Variants in EXOC5 observed in about 807,000 individuals in gnomAD.
EXOC5 encodes SEC10-like 1.
Under a neutral mutation model 90.8 loss-of-function variants are expected in EXOC5, and 17 were observed. The observed-to-expected ratio is 0.19, with a 90% confidence interval of 0.13 to 0.28. The LOEUF is 0.28. Among genes scored for constraint, EXOC5 ranks in the 10% least tolerant of loss-of-function variants. EXOC5 has a pLI of 1.00. For synonymous variants in EXOC5, 260 were observed against 270.0 expected (o/e 0.96, Z 0.36); for missense variants, 569 against 830.6 (o/e 0.69, Z 3.87).
chr14:57,235,280 T>A (rs1006851371), intron 7 of EXOC5, among the ~76,000 whole-genome samples: 1 of 152,240 alleles, frequency 6.6e-6, no homozygotes, highest in South Asian at 2.1e-4. Context: ...AATACAAAAT[T>A]CTTTTGTATT....
At chr14:57,220,747 C>A (rs1883109096) in intron 13 of EXOC5, among the ~76,000 whole-genome samples, 1 of 152,068 alleles carries the variant, frequency 6.6e-6, no homozygotes, top group Non-Finnish European at 1.5e-5. Flanking sequence ...TTGCCATGAG[C>A]CATGACTATG....
chr14:57,229,903 TG>T (rs372269897), intron 11 of EXOC5, 22 bp from the exon 12 acceptor site: 1 of 1,330,822 alleles, frequency 7.5e-7, no homozygotes, highest in Non-Finnish European at 9.9e-7. Context: ...TAAAGACAAA[TG>T]AAAAAAAGAA....
rs1245251172 is a variant in EXOC5, at chr14:57,229,650, G to GT, written c.1296+83dup. 8.1e-6 allele frequency: 8 copies of GT among 981,968 alleles called. No individual in the cohort carries two copies. The East Asian group carries it at 2.0e-4, about 24-fold the overall frequency. 60.8% of individuals were successfully genotyped at this position (981,968 alleles called of 1,614,324 possible). ...GCAGACTTGAGCATCCACGATTTTGGTATCCTCGGAGGTTCTGGAATCAAT... is the reference window on the plus strand; with the variant it reads ...GCAGACTTGAGCATCCACGATTTTGGTTATCCTCGGAGGTTCTGGAATCAAT... On this transcript the variant is annotated intron_variant, in intron 12 of 17. Coordinates refer to ENST00000621441, the MANE Select transcript of EXOC5 (RefSeq NM_006544.4).
intron 15 of EXOC5, 48 bp downstream of exon 15, chr14:57,217,931 ATGG>A: frequency 1.2e-6 from 1 of 856,652 alleles, no homozygotes; most frequent in South Asian, 1.4e-5. Context: ...CTGCTATAAT[ATGG>A]TGTTTTTATA....
At position 57,235,718 on chromosome 14, in the gene EXOC5, T is replaced by G. The variant is rs1282811828; in HGVS notation, c.662A>C (p.His221Pro). The G allele has an allele frequency of 2.0e-6, 3 of 1,496,610 alleles. No homozygotes were observed. In the South Asian group the frequency reaches 3.6e-5, roughly 18 times the overall value. The allele number at this position is 1,496,610 out of a possible 1,614,324, so 92.7% of individuals were successfully genotyped here. A position where few individuals can be genotyped will look rare whatever the true frequency, so the allele number is the denominator to read the frequency against. Reference sequence around the variant, plus strand: ...TTAATTCCTACTATTTACCTTAAAATGAAGTAAAACTGCTGCTACTTCTCT... The same window carrying G: ...TTAATTCCTACTATTTACCTTAAAAGGAAGTAAAACTGCTGCTACTTCTCT... ...RMREVAAVLL[H>P]FKGYSHCVDV... The change falls in exon 7 of 18, where the codon CAT becomes CCT. Residue 221 changes from histidine (H) to proline (P), a missense_variant. His to Pro is a moderately conservative substitution (Grantham distance 77, BLOSUM62 -2). Around this residue, in one of 9 missense-constraint regions of EXOC5, gnomAD observed 97 missense variants for 177.9 expected, o/e 0.55. Transcript: ENST00000621441.
intron 4 of EXOC5, among the ~76,000 whole-genome samples, chr14:57,241,798 G>A (rs1187329721): frequency 6.6e-6 from 1 of 152,116 alleles, no homozygotes; most frequent in Non-Finnish European, 1.5e-5. Context: ...CAGTCATCAA[G>A]TATTATCCAC....
intron 5 of EXOC5, 83 bp from the exon 6 acceptor site, chr14:57,237,449 C>A: frequency 1.2e-6 from 1 of 828,954 alleles, no homozygotes; most frequent in Non-Finnish European, 2.0e-6. Context: ...AAATGGGAAA[C>A]TGGGTGCAGG....
In EXOC5 at chr14:57,208,511, T is replaced by C; in HGVS notation, c.*98A>G. ...GTTTCACAAAATGTTGGCTGTGTCA[T>C]AAGGTATCTCCTGTGCTTTCTATCA... is the stretch of plus-strand genomic sequence containing the variant. On this transcript the variant is annotated 3_prime_UTR_variant, in exon 18 of 18. Transcript: ENST00000621441. 3 of 748,796 alleles carry C rather than the reference T, an allele frequency of 4.0e-6. No individual in the cohort carries two copies. Among genetic ancestry groups the C allele is most frequent in the Non-Finnish European group, 6.5e-6 (3 of 460,842 alleles). The allele number at this position is 748,796 out of a possible 1,614,324, so 46.4% of individuals were successfully genotyped here.
chr14:57,249,631 A>G (rs1884130331), intron 1 of EXOC5, among the ~76,000 whole-genome samples: 1 of 152,138 alleles, frequency 6.6e-6, no homozygotes, highest in South Asian at 2.1e-4. Flanking sequence ...AGGAGGGAAA[A>G]ATCTCTGCTC....
chr14:57,245,544 T>G (rs146395876), intron 3 of EXOC5, among the ~76,000 whole-genome samples: 2 of 152,336 alleles, frequency 1.3e-5, no homozygotes, highest in East Asian at 3.9e-4. Flanking sequence ...AAGGGAAAAC[T>G]GCATTAAAAG....
chr14:57,231,682 A>G lies in EXOC5; in HGVS notation c.972T>C (p.Phe324=). 6.2e-7 allele frequency: 1 copy of G among 1,610,410 alleles called. No homozygotes were observed. Among genetic ancestry groups the G allele is most frequent in the Non-Finnish European group, 8.5e-7 (1 of 1,178,646 alleles). The part of the protein sequence containing the change: ...TTNLSSKLME[F]NLGTDKQTFL... ...AAGTCTGTTTATCAGTACCTAAATT[A>G]AACTCCATCAGCTTGCTGGAAAGAT... The change falls in exon 11 of 18, where the codon TTT becomes TTC. Residue 324 remains phenylalanine (F), a synonymous_variant. Transcript: ENST00000621441.
intron 15 of EXOC5, among the ~76,000 whole-genome samples, chr14:57,215,823 A>C (rs1254565589): frequency 1.3e-5 from 2 of 152,202 alleles, no homozygotes; most frequent in Admixed American, 6.5e-5. Flanking sequence ...TGGATGTCCT[A>C]GCCAGAGCAG....
At chr14:57,221,934 AT>A (rs1235685535) in intron 13 of EXOC5, among the ~76,000 whole-genome samples, 3 of 151,950 alleles carry the variant, frequency 2.0e-5, no homozygotes, top group Non-Finnish European at 4.4e-5. Context: ...ATTTGAATCT[AT>A]TTTTTTCCAG....
At chr14:57,257,541 T>C (rs1884387723) in intron 1 of EXOC5, among the ~76,000 whole-genome samples, 1 of 151,948 alleles carries the variant, frequency 6.6e-6, no homozygotes, top group Non-Finnish European at 1.5e-5. Flanking sequence ...GAGGCACCAG[T>C]GTAGGTGGAA....
At chr14:57,218,480 A>G (rs1883034901) in intron 14 of EXOC5, among the ~76,000 whole-genome samples, 1 of 152,092 alleles carries the variant, frequency 6.6e-6, no homozygotes, top group Admixed American at 6.6e-5. Context: ...ATACTATAAA[A>G]TTTGGAGGGT....
Position 57,246,651 on chromosome 14 carries a change from G to A in EXOC5, c.270+60C>T. The A allele has an allele frequency of 2.8e-6, 4 of 1,417,222 alleles. No homozygotes were observed. In the Admixed American group the frequency reaches 6.0e-5, roughly 21 times the overall value. 87.8% of individuals were successfully genotyped at this position (1,417,222 alleles called of 1,614,324 possible). A position where few individuals can be genotyped will look rare whatever the true frequency, so the allele number is the denominator to read the frequency against. On this transcript the variant is annotated intron_variant, in intron 3 of 17. Transcript: ENST00000621441. ...TAGACTTTTTTAAGAGCTTAAAACT[G>A]GAAGAAAATAAAGATATTATAGCCT... is the stretch of plus-strand genomic sequence containing the variant.
rs374048935 is a variant in EXOC5, at chr14:57,209,758, C to T, written c.1747G>A (p.Val583Ile). The change falls in exon 17 of 18, where the codon GTA becomes ATA. Residue 583 changes from valine (V) to isoleucine (I), a missense_variant. Val to Ile is a conservative substitution (Grantham distance 29, BLOSUM62 3). This residue lies in a region of EXOC5 where 122 missense variants were observed against 180.0 expected (regional missense o/e 0.68). Transcript: ENST00000621441. ...TNACVKVCAY[V>I]RKQVEKIKNS... ...TTAATCTTCTCCACTTGTTTTCTTA[C>T]GTAAGCACAGACTTTTACACAGGCC... 12 of 1,610,936 alleles carry T rather than the reference C, an allele frequency of 7.4e-6. No homozygotes were observed. The highest frequency in any genetic ancestry group is 2.2e-5 in the East Asian group (1 of 44,818).
intron 1 of EXOC5, among the ~76,000 whole-genome samples, chr14:57,252,015 C>T (rs1200567494): frequency 6.6e-6 from 1 of 152,124 alleles, no homozygotes; most frequent in African/African-American, 2.4e-5. Context: ...CCTGAAAAAA[C>T]AGATAATATG....
In EXOC5 at chr14:57,227,951, C is replaced by T. The variant is rs970055179; in HGVS notation, c.1296+1783G>A. ...GTTTACATACATATATATATACACA[C>T]ACACACACACACACACACACACACG... On this transcript the variant is annotated intron_variant, in intron 12 of 17. Coordinates refer to ENST00000621441, the MANE Select transcript of EXOC5 (RefSeq NM_006544.4). 0.012 allele frequency among the ~76,000 whole-genome samples: 1,294 copies of T among 103,816 alleles called. 27 individuals carry two copies. The African/African-American group carries it at 0.15, about 12-fold the overall frequency. The allele number at this position is 103,816 out of a possible 152,430, so 68.1% of individuals were successfully genotyped here. A position where few individuals can be genotyped will look rare whatever the true frequency, so the allele number is the denominator to read the frequency against.
Sources: gnomAD v4.1 joint callset for allele counts (sites outside exome capture counted in the v4.1 genomes callset) on GRCh38, gnomAD v4.1.1 for gene constraint, gnomAD v4.1.1 regional missense constraint, MANE v1.5 for transcripts, NCBI Gene and HGNC (gene_info 2026-07-23, HGNC 2026-07-21) for gene names.